LIG4: variants seen among roughly 807,000 people sequenced by gnomAD.
LIG4 encodes DNA ligase 4, also known as DNA joinase.
LIG4 carries 13 observed loss-of-function variants against 19.0 expected under a neutral mutation model. The ratio of observed to expected loss-of-function variants is 0.68; its 90% CI spans 0.44 to 1.09. The LOEUF is 1.09. Ranked by LOEUF, LIG4 falls within the 50% of genes least tolerant of loss-of-function variation. The probability of loss-of-function intolerance (pLI) is 0.00; values close to 1 mark genes in which losing one functional copy is unlikely to be tolerated. For synonymous variants in LIG4, 361 were observed against 358.2 expected (o/e 1.01, Z -0.09); for missense variants, 1,026 against 1,089.7 (o/e 0.94, Z 0.82).
chr13:108,209,433 A>C lies in LIG4; in HGVS notation c.1836T>G (p.Ser612=). ...LRGKASGKLA[S]KHLYIGGDDE... The stretch of plus-strand genomic sequence containing the variant: ...CATCACCACCTATATAAAGGTGTTT[A>C]GATGCGAGCTTACCAGATGCCTTCC... The change falls in exon 3 of 3, where the codon TCT becomes TCG. Residue 612 remains serine (S), a synonymous_variant. Transcript: ENST00000442234. 1 of 1,614,170 alleles carries C rather than the reference A, an allele frequency of 6.2e-7. No homozygotes were observed. The highest frequency in any genetic ancestry group is 8.5e-7 in the Non-Finnish European group (1 of 1,180,034).
At chr13:108,217,333 T>C (rs1318012311), upstream of LIG4, among the ~76,000 whole-genome samples, 3 of 152,150 alleles carry the variant, frequency 2.0e-5, no homozygotes, top group Non-Finnish European at 4.4e-5. Context: ...CTGGCCAACA[T>C]GGTGAAATCC....
chr13:108,208,901 C>T lies in LIG4; in HGVS notation c.2368G>A (p.Glu790Lys). Residue 790 changes from glutamate to lysine, a missense_variant, in exon 3 of 3, where the codon GAA becomes AAA. Around this residue, in one of 3 missense-constraint regions of LIG4, gnomAD observed 521 missense variants for 515.5 expected, o/e 1.01. Coordinates refer to ENST00000442234, the MANE Select transcript of LIG4 (RefSeq NM_206937.2). ...TCAGCAATCAGAGAAGCCATTTCTT[C>T]AGGAGTCTGCTCGTTAGAATTTTTA... ...GIKNSNEQTP[E>K]EMASLIADLE... 2 of 1,614,132 alleles carry T rather than the reference C, an allele frequency of 1.2e-6. No homozygotes were observed. Among genetic ancestry groups the T allele is most frequent in the Non-Finnish European group, 8.5e-7 (1 of 1,179,998 alleles).
rs199635003 is a variant in LIG4, at chr13:108,209,385, C to A, written c.1884G>T (p.Arg628=). The A allele has an allele frequency of 2.0e-5, 32 of 1,614,112 alleles. No individual in the cohort carries two copies. Among genetic ancestry groups the A allele is most frequent in the Middle Eastern group, 1.6e-4 (1 of 6,062 alleles). ...CTTTCTTCATCTTTGGGGCAGCTTT[C>A]CGCTTTTTTTCTTGTGGTTCATCAT... ...GGDDEPQEKK[R]KAAPKMKKVI... The change falls in exon 3 of 3, where the codon CGG becomes CGT. Residue 628 remains arginine, a synonymous_variant. Coordinates refer to ENST00000442234, the MANE Select transcript of LIG4 (RefSeq NM_206937.2).
chr13:108,213,554 T>A (rs1263362036), intron 2 of LIG4, among the ~76,000 whole-genome samples: 1 of 152,252 alleles, frequency 6.6e-6, no homozygotes, highest in Non-Finnish European at 1.5e-5. Flanking sequence ...TTTTGCTCAT[T>A]ACAACGGCAT....
upstream of LIG4, among the ~76,000 whole-genome samples, chr13:108,216,337 T>C (rs928301128): frequency 7.2e-5 from 11 of 152,212 alleles, no homozygotes; most frequent in Admixed American, 5.2e-4. Context: ...AAACAACTTT[T>C]AGAACTATTT....
At chr13:108,211,334 T>C (rs1878650041) in intron 2 of LIG4, 38 bp from the exon 3 acceptor site, 4 of 1,142,994 alleles carry the variant, frequency 3.5e-6, no homozygotes, top group Non-Finnish European at 5.2e-6. Flanking sequence ...AAGTAAAAGA[T>C]AAGATTCAAC....
intron 2 of LIG4, among the ~76,000 whole-genome samples, chr13:108,211,611 A>G (rs753844776): frequency 2.0e-5 from 3 of 152,220 alleles, no homozygotes; most frequent in Non-Finnish European, 4.4e-5. Context: ...TTAGCACATA[A>G]TACAAACAAA....
chr13:108,210,009 T>G lies in LIG4; in HGVS notation c.1260A>C (p.Glu420Asp), dbSNP rs1371405186. The G allele has an allele frequency of 3.1e-6, 5 of 1,612,174 alleles. No homozygotes were observed. In the East Asian group the frequency reaches 8.9e-5, roughly 29 times the overall value. ...TKNEVIDALNEAIDKREEGIM... is the reference protein window; with the variant it reads ...TKNEVIDALNDAIDKREEGIM... ...TTCCCTCTTCTCTTTTATCTATTGC[T>G]TCATTCAATGCATCAATTACTTCAT... Residue 420 changes from glutamate to aspartate, a missense_variant, in exon 3 of 3, where the codon GAA (glutamate) becomes GAC (aspartate). By Grantham distance (45) the Glu-to-Asp change is conservative. Around this residue, in one of 3 missense-constraint regions of LIG4, gnomAD observed 493 missense variants for 544.5 expected, o/e 0.91. Coordinates refer to ENST00000442234, the MANE Select transcript of LIG4 (RefSeq NM_206937.2).
intron 2 of LIG4, among the ~76,000 whole-genome samples, chr13:108,211,909 G>A (rs1012292807): frequency 3.4e-4 from 52 of 152,182 alleles, no homozygotes; most frequent in Non-Finnish European, 5.9e-5. Context: ...CTACGTCTAT[G>A]TTTCCTTTCA....
At position 108,209,885 on chromosome 13, in the gene LIG4, AT is replaced by A; in HGVS notation, c.1383del (p.Glu461AspfsTer5). ...TATCCTCCAACAATTAAAATGTCCA[AT>A]TCATCCATTAGTCCACTGACATACT... Reference protein sequence around the residue: ...KPEYVSGLMDELDILIVGGYW... With the variant: ...KPEYVSGLMDXLDILIVGGYW... On this transcript the variant is annotated frameshift_variant, in exon 3 of 3. Transcript: ENST00000442234. LOFTEE classifies it low-confidence loss of function (END_TRUNC). 6.2e-7 allele frequency: 1 copy of A among 1,614,150 alleles called. No homozygotes were observed. The highest frequency in any genetic ancestry group is 8.5e-7 in the Non-Finnish European group (1 of 1,180,028).
At position 108,211,862 on chromosome 13, in the gene LIG4, A is replaced by G. The variant is rs551160588; in HGVS notation, c.-28-566T>C. On this transcript the variant is annotated intron_variant, in intron 2 of 2. Transcript: ENST00000442234. ...CCTTGACCAAAAAACAAAACAAAGGAAAAAACAGGTACCCTCTTCTTCCAG... is the reference window on the plus strand; with the variant it reads ...CCTTGACCAAAAAACAAAACAAAGGGAAAAACAGGTACCCTCTTCTTCCAG... Among the ~76,000 whole-genome samples, 3 of 152,268 alleles carry G rather than the reference A, an allele frequency of 2.0e-5. No homozygotes were observed. In the South Asian group the frequency reaches 6.2e-4, roughly 32 times the overall value.
chr13:108,209,941 C>G lies in LIG4; in HGVS notation c.1328G>C (p.Arg443Thr). 6.2e-7 allele frequency: 1 copy of G among 1,613,982 alleles called. No homozygotes were observed. The highest frequency in any genetic ancestry group is 8.5e-7 in the Non-Finnish European group (1 of 1,180,010). The change falls in exon 3 of 3, where the codon AGA becomes ACA. Residue 443 changes from arginine (R) to threonine (T), a missense_variant. Transcript: ENST00000442234. ...TTTAATTTTTAACCACCCTTCACCT[C>G]TTTTGTCTGGCTTGTAGATGGATAG... is the stretch of plus-strand genomic sequence containing the variant. ...QPLSIYKPDK[R>T]GEGWLKIKPE...
upstream of LIG4, among the ~76,000 whole-genome samples, chr13:108,217,646 G>A (rs1381946936): frequency 1.3e-5 from 2 of 151,908 alleles, no homozygotes; most frequent in Admixed American, 6.6e-5. Context: ...GCAGTGAGCC[G>A]AGATCACGCC....
Position 108,208,323 on chromosome 13 carries a change from A to T in LIG4, c.*210T>A, listed in dbSNP as rs1335466048. The T allele has an allele frequency of 2.0e-6, 1 of 490,480 alleles. No homozygotes were observed. The highest frequency in any genetic ancestry group is 3.6e-6 in the Non-Finnish European group (1 of 276,928). 30.4% of individuals were successfully genotyped at this position (490,480 alleles called of 1,614,324 possible). On this transcript the variant is annotated 3_prime_UTR_variant, in exon 3 of 3. Coordinates refer to ENST00000442234, the MANE Select transcript of LIG4 (RefSeq NM_206937.2). ...CCTTGATCATAAAAAATCATTGAAT[A>T]CTACATTCAAGATAATTTTTCTTTC...
rs1252395998 is a variant in LIG4 at position 108,210,795 on chromosome 13, A to G, written c.474T>C (p.Asn158=). 9.9e-6 allele frequency: 16 copies of G among 1,613,798 alleles called. No homozygotes were observed. The highest frequency in any genetic ancestry group is 2.2e-5 in the East Asian group (1 of 44,882). ...VNDLLDSIAS[N]NSAKRKDLIK... ...TTAGGTCTTTTCTTTTAGCAGAATT[A>G]TTGCTGGCAATTGAGTCTAAAAGGT... The change falls in exon 3 of 3, where the codon AAT becomes AAC. Residue 158 remains asparagine, a synonymous_variant. Coordinates refer to ENST00000442234, the MANE Select transcript of LIG4 (RefSeq NM_206937.2).
In LIG4 at chr13:108,210,738, CTGAGTTA is replaced by C. The variant is rs1232897065; in HGVS notation, c.524_530del (p.Ile175ArgfsTer13). On this transcript the variant is annotated frameshift_variant, in exon 3 of 3. Transcript: ENST00000442234. LOFTEE classifies it high-confidence loss of function. ...GCCACTTTTGCTCAAGTGCTGAACT[CTGAGTTA>C]TAAGTTGAAGAAGGCTCTTTTTTAT... 6.2e-7 allele frequency: 1 copy of C among 1,613,924 alleles called. No individual in the cohort carries two copies. The highest frequency in any genetic ancestry group is 1.3e-5 in the African/African-American group (1 of 74,914).
chr13:108,208,490 G>T lies in LIG4; in HGVS notation c.*43C>A. ...TTTTATCATTACCACCTGCTGCAAT[G>T]AGTCTGCCAGATCAGAGGCTTTCCT... On this transcript the variant is annotated 3_prime_UTR_variant, in exon 3 of 3. Transcript: ENST00000442234. 1 of 1,232,068 alleles carries T rather than the reference G, an allele frequency of 8.1e-7. No individual in the cohort carries two copies. The highest frequency in any genetic ancestry group is 1.2e-6 in the Non-Finnish European group (1 of 840,560). 76.3% of individuals were successfully genotyped at this position (1,232,068 alleles called of 1,614,324 possible). A position where few individuals can be genotyped will look rare whatever the true frequency, so the allele number is the denominator to read the frequency against.
chr13:108,217,412 C>T (rs754353266), upstream of LIG4, among the ~76,000 whole-genome samples: 45 of 152,152 alleles, frequency 3.0e-4, 1 homozygote, highest in Non-Finnish European at 6.2e-4. Flanking sequence ...CCAGCTACTC[C>T]GGAGGCTGAG....
rs766612799 is a variant in LIG4 at position 108,208,983 on chromosome 13, A to G, written c.2286T>C (p.Gly762=). 2 of 1,614,076 alleles carry G rather than the reference A, an allele frequency of 1.2e-6. No homozygotes were observed. Among genetic ancestry groups the G allele is most frequent in the Non-Finnish European group, 1.7e-6 (2 of 1,179,998 alleles). Reference sequence around the variant, plus strand: ...AGTCTGTATCAATGAAATAACTATCACCATAGCAATCATATTCACGGGCAA... The same window carrying G: ...AGTCTGTATCAATGAAATAACTATCGCCATAGCAATCATATTCACGGGCAA... ...EHFAREYDCY[G]DSYFIDTDLN... is the part of the protein sequence containing the mutation. The change falls in exon 3 of 3, where the codon GGT becomes GGC. Residue 762 remains glycine (G), a synonymous_variant. Coordinates refer to ENST00000442234, the MANE Select transcript of LIG4 (RefSeq NM_206937.2).
Sources: allele counts gnomAD v4.1 joint callset (sites outside exome capture counted in the v4.1 genomes callset), GRCh38; gene constraint gnomAD v4.1.1; regional missense constraint gnomAD v4.1.1; transcripts MANE v1.5; gene names NCBI Gene and HGNC (gene_info 2026-07-23, HGNC 2026-07-21).